IGSF5: variants seen among roughly 807,000 people sequenced by gnomAD.
The protein encoded by IGSF5 is immunoglobulin superfamily 5 like.
In IGSF5, 41 loss-of-function variants were observed where a neutral mutation model predicts 39.4. The observed-to-expected ratio is 1.04, with a 90% confidence interval of 0.81 to 1.35. The LOEUF (loss-of-function observed/expected upper bound fraction) is 1.35, where lower values mean the gene tolerates loss of function less well. IGSF5 is among the 40% of genes most tolerant of loss of function. The pLI is 0.00. For missense variants in IGSF5, 487 were observed against 494.6 expected (o/e 0.98, Z 0.15); for synonymous variants, 183 against 175.3 (o/e 1.04, Z -0.34).
intron 2 of IGSF5, among the ~76,000 whole-genome samples, chr21:39,749,213 G>GT (rs35333249): frequency 5.8e-4 from 81 of 139,058 alleles, no homozygotes; most frequent in East Asian, 5.2e-3. Context: ...AGACAAATAG[G>GT]TTTTTTTTTT....
intron 8 of IGSF5, among the ~76,000 whole-genome samples, chr21:39,800,735 A>C (rs533059233): frequency 6.6e-6 from 1 of 152,250 alleles, no homozygotes; most frequent in Admixed American, 6.5e-5. Context: ...ATAAGGCAAT[A>C]TTATGAGACA....
the IGSF5 span, chr21:39,730,015 T>C: frequency 6.6e-6 from 1 of 152,330 alleles, no homozygotes; most frequent in South Asian, 2.1e-4. Context: ...CAAAGCACCA[T>C]AACCTGGTGG....
rs1326483459 is a variant in IGSF5, at chr21:39,792,187, G to A, written c.1048+88G>A. On this transcript the variant is annotated intron_variant, in intron 7 of 8. Coordinates refer to ENST00000380588, the MANE Select transcript of IGSF5 (RefSeq NM_001080444.2). ...TTGCTAGATACCAGCTGCACAGGGA[G>A]GCTAACTTGGCAATGGTGGTTATTA... 4 of 768,448 alleles carry A rather than the reference G, an allele frequency of 5.2e-6. No individual in the cohort carries two copies. In the African/African-American group the frequency reaches 7.1e-5, roughly 14 times the overall value. The allele number at this position is 768,448 out of a possible 1,614,324, so 47.6% of individuals were successfully genotyped here.
upstream of IGSF5, among the ~76,000 whole-genome samples, chr21:39,740,431 T>C (rs1276312675): frequency 6.6e-6 from 1 of 152,260 alleles, no homozygotes; most frequent in Non-Finnish European, 1.5e-5. Context: ...CTCTCCATAT[T>C]ACTGCATGGG....
rs551377585 is a variant in IGSF5 at position 39,756,990 on chromosome 21, C to A, written c.101-8545C>A. Among the ~76,000 whole-genome samples the A allele has an allele frequency of 1.3e-3, 200 of 152,134 alleles. 1 individual carries two copies. Among genetic ancestry groups the A allele is most frequent in the South Asian group, 8.1e-3 (39 of 4,802 alleles). On this transcript the variant is annotated intron_variant, in intron 2 of 8. Transcript: ENST00000380588. ...CTCTGACCTCACTCCTTCCACCCAC[C>A]CCTGTCTGCCACAGAGCCTTCTCTG... is the stretch of plus-strand genomic sequence containing the variant.
At chr21:39,758,569 G>A (rs1028107667) in intron 2 of IGSF5, among the ~76,000 whole-genome samples, 3 of 152,122 alleles carry the variant, frequency 2.0e-5, no homozygotes, top group Non-Finnish European at 2.9e-5. Flanking sequence ...TACTGACAGG[G>A]TAAGGGTTCT....
the IGSF5 span, among the ~76,000 whole-genome samples, chr21:39,732,152 A>G: frequency 6.6e-6 from 1 of 152,182 alleles, no homozygotes; most frequent in African/African-American, 2.4e-5. Context: ...CTATAGCCCC[A>G]GCTGATCTGT....
intron 8 of IGSF5, among the ~76,000 whole-genome samples, chr21:39,798,998 A>G (rs466789): frequency 0.2 from 31,134 of 152,190 alleles, 4,326 homozygotes; most frequent in Non-Finnish European, 0.31. Context: ...CACTGTGGCC[A>G]GGAGCTACAG....
intron 2 of IGSF5, among the ~76,000 whole-genome samples, chr21:39,752,742 C>T (rs765945716): frequency 6.6e-6 from 1 of 152,146 alleles, no homozygotes. Context: ...TTGCACTTCC[C>T]TGATTAGTGA....
the IGSF5 span, among the ~76,000 whole-genome samples, chr21:39,730,888 G>A: frequency 2.0e-5 from 3 of 152,192 alleles, no homozygotes; most frequent in African/African-American, 7.2e-5. Context: ...AGTCACTAAT[G>A]GGAACTCCTG....
chr21:39,766,396 T>A (rs2080087625), intron 3 of IGSF5, among the ~76,000 whole-genome samples: 1 of 152,210 alleles, frequency 6.6e-6, no homozygotes, highest in African/African-American at 2.4e-5. Context: ...TCACTGCCCT[T>A]TCTCTAGTTT....
At chr21:39,715,359 TCCTCCTG>T in the IGSF5 span, among the ~76,000 whole-genome samples, 1 of 152,136 alleles carries the variant, frequency 6.6e-6, no homozygotes, top group Non-Finnish European at 1.5e-5. Context: ...GCTCAAGTAA[TCCTCCTG>T]CCTCAAGCTC....
intron 2 of IGSF5, among the ~76,000 whole-genome samples, chr21:39,762,928 T>C (rs140801344): frequency 6.6e-6 from 1 of 152,236 alleles, no homozygotes; most frequent in East Asian, 1.9e-4. Flanking sequence ...GAGACATTGA[T>C]CTTTCCCAGT....
chr21:39,757,432 G>A (rs1055890536), intron 2 of IGSF5, among the ~76,000 whole-genome samples: 6 of 151,964 alleles, frequency 3.9e-5, no homozygotes, highest in African/African-American at 9.7e-5. Flanking sequence ...GTGGGCTGGC[G>A]GGTGGTGTAA....
intron 3 of IGSF5, among the ~76,000 whole-genome samples, chr21:39,769,821 GTTTAAC>G (rs2080105349): frequency 6.6e-6 from 1 of 152,062 alleles, no homozygotes; most frequent in East Asian, 1.9e-4. Flanking sequence ...TAAAATAATT[GTTTAAC>G]TTTAATTTCA....
At chr21:39,741,734 T>C (rs907033286), upstream of IGSF5, among the ~76,000 whole-genome samples, 51 of 152,098 alleles carry the variant, frequency 3.4e-4, no homozygotes, top group African/African-American at 1.2e-3. Context: ...CAAACAAGAA[T>C]TGAGAGTCAG....
the IGSF5 span, among the ~76,000 whole-genome samples, chr21:39,726,817 A>G: frequency 0.041 from 6,284 of 152,310 alleles, 174 homozygotes; most frequent in Non-Finnish European, 0.07. Flanking sequence ...AGAAACCTGC[A>G]TAACATCAGC....
intron 3 of IGSF5, among the ~76,000 whole-genome samples, chr21:39,768,086 A>T (rs1299753379): frequency 1.3e-5 from 2 of 152,204 alleles, no homozygotes; most frequent in Non-Finnish European, 2.9e-5. Context: ...ATTGGTAATT[A>T]TGGTAGTTTT....
intron 5 of IGSF5, among the ~76,000 whole-genome samples, chr21:39,786,276 C>T (rs1321334785): frequency 2.6e-5 from 4 of 152,046 alleles, no homozygotes; most frequent in Non-Finnish European, 5.9e-5. Flanking sequence ...AAACAAACAA[C>T]CCTATCAAAA....
Sources: gnomAD v4.1 joint callset for allele counts (sites outside exome capture counted in the v4.1 genomes callset) on GRCh38, gnomAD v4.1.1 for gene constraint, MANE v1.5 for transcripts, NCBI Gene and HGNC (gene_info 2026-07-23, HGNC 2026-07-21) for gene names.